CCDC170: variants seen among roughly 807,000 people sequenced by gnomAD.
CCDC170 encodes coiled-coil domain containing 170.
In CCDC170, 69 loss-of-function variants were observed where a neutral mutation model predicts 72.6. That is an observed-to-expected ratio of 0.95 (90% CI 0.78 to 1.16). CCDC170 has a LOEUF of 1.16. Among genes scored for constraint, CCDC170 ranks in the 50% most tolerant of loss-of-function variants. The pLI, the probability that CCDC170 is intolerant of heterozygous loss-of-function variation, is 0.00. For missense variants in CCDC170, 852 were observed against 832.5 expected, an observed-to-expected ratio of 1.02 and a Z score of -0.29; for synonymous variants, 300 against 303.9, an observed-to-expected ratio of 0.99 and a Z score of 0.13.
At chr6:151,500,218 T>G (rs1354074698) in intron 1 of CCDC170, among the ~76,000 whole-genome samples, 1 of 151,016 alleles carries the variant, frequency 6.6e-6, no homozygotes, top group Non-Finnish European at 1.5e-5. Flanking sequence ...TTGCTCTGTT[T>G]TTTTTTTTTT....
rs1303846672 is a variant in CCDC170, at chr6:151,615,521, G to A, written c.1789G>A (p.Ala597Thr). The A allele has an allele frequency of 6.2e-7, 1 of 1,614,104 alleles. No homozygotes were observed. The highest frequency in any genetic ancestry group is 8.5e-7 in the Non-Finnish European group (1 of 1,179,992). ...CCAACTGGAGAAGATGAAGGAGAAA[G>A]CTGAGAAAAAGCTCATGTCTGTCAA... The part of the protein sequence containing the change: ...RDQLEKMKEK[A>T]EKKLMSVKSE... The change falls in exon 10 of 11, where the codon GCT becomes ACT. Residue 597 changes from alanine (A) to threonine (T), a missense_variant. By Grantham distance (58) the Ala-to-Thr change is moderately conservative. Coordinates refer to ENST00000239374, the MANE Select transcript of CCDC170 (RefSeq NM_025059.4).
intron 7 of CCDC170, among the ~76,000 whole-genome samples, chr6:151,592,871 G>A (rs1449984533): frequency 3.3e-5 from 5 of 152,188 alleles, no homozygotes; most frequent in Admixed American, 1.3e-4. Context: ...ATATTCGATT[G>A]AACATGAACA....
Position 151,573,214 on chromosome 6 carries a change from G to T in CCDC170, c.815G>T (p.Arg272Met). Residue 272 changes from arginine to methionine, a missense_variant, in exon 6 of 11, where the codon AGG (arginine) becomes ATG (methionine). By Grantham distance (91) the Arg-to-Met change is moderately conservative. Coordinates refer to ENST00000239374, the MANE Select transcript of CCDC170 (RefSeq NM_025059.4). ...GTAGAAGCAAAAGAAGCTCTTGAAA[G>T]GGAAGTTAAGATCTTCCAAGAAAGG... Reference protein sequence around the residue: ...SAVEAKEALEREVKIFQERLL... With the variant: ...SAVEAKEALEMEVKIFQERLL... The T allele has an allele frequency of 6.2e-7, 1 of 1,613,902 alleles. No individual in the cohort carries two copies.
chr6:151,559,869 C>A (rs1056093010), intron 5 of CCDC170, among the ~76,000 whole-genome samples: 1 of 151,982 alleles, frequency 6.6e-6, no homozygotes, highest in Non-Finnish European at 1.5e-5. Context: ...AGTGGTCTGT[C>A]AATTTGGTTT....
At position 151,544,769 on chromosome 6, in the gene CCDC170, T is replaced by C. The variant is rs551051199; in HGVS notation, c.588+53T>C. 3.9e-6 allele frequency: 6 copies of C among 1,550,822 alleles called. No individual in the cohort carries two copies. In the East Asian group the frequency reaches 1.4e-4, roughly 35 times the overall value. On this transcript the variant is annotated intron_variant, in intron 4 of 10. Transcript: ENST00000239374. ...TAAATGTAGTGGTGATTCTGACATG[T>C]GGCATGAAAGGAAGTGCTGTGGTTG...
intron 5 of CCDC170, among the ~76,000 whole-genome samples, chr6:151,566,454 C>A (rs755885871): frequency 6.6e-6 from 1 of 151,900 alleles, no homozygotes; most frequent in Non-Finnish European, 1.5e-5. Flanking sequence ...CTGACAAATA[C>A]TTCTATAAAA....
intron 8 of CCDC170, among the ~76,000 whole-genome samples, chr6:151,596,002 C>T (rs73780810): frequency 0.081 from 12,351 of 152,154 alleles, 549 homozygotes; most frequent in African/African-American, 0.11. Flanking sequence ...TGTCTTATTA[C>T]ATTCTGCTCT....
In CCDC170 at chr6:151,615,548, T is replaced by G. The variant is rs1776951608; in HGVS notation, c.1816T>G (p.Ser606Ala). 2 of 1,613,788 alleles carry G rather than the reference T, an allele frequency of 1.2e-6. No individual in the cohort carries two copies. The highest frequency in any genetic ancestry group is 1.7e-6 in the Non-Finnish European group (2 of 1,179,926). The part of the protein sequence containing the change: ...KAEKKLMSVK[S>A]ELDTTEHEAK... ...TGAGAAAAAGCTCATGTCTGTCAAG[T>G]CAGAACTGGATACCACAGAACATGA... The change falls in exon 10 of 11, where the codon TCA becomes GCA. Residue 606 changes from serine (S) to alanine (A), a missense_variant. Coordinates refer to ENST00000239374, the MANE Select transcript of CCDC170 (RefSeq NM_025059.4).
intron 10 of CCDC170, among the ~76,000 whole-genome samples, chr6:151,617,322 G>C (rs934290246): frequency 1.3e-5 from 2 of 150,334 alleles, no homozygotes; most frequent in African/African-American, 4.8e-5. Flanking sequence ...AATATGGCTT[G>C]TGAAATGGCA....
intron 1 of CCDC170, among the ~76,000 whole-genome samples, chr6:151,514,328 G>A (rs1398633285): frequency 8.0e-6 from 1 of 125,706 alleles, no homozygotes; most frequent in Non-Finnish European, 1.6e-5. Context: ...ATGAAAGAAA[G>A]GAAGGAAGGA....
intron 7 of CCDC170, among the ~76,000 whole-genome samples, chr6:151,590,733 C>A (rs75173025): frequency 0.02 from 3,116 of 152,238 alleles, 110 homozygotes; most frequent in African/African-American, 0.072. Flanking sequence ...TAGAAACTTT[C>A]TCTTTGGGGT....
chr6:151,537,537 G>GT (rs199983258), intron 2 of CCDC170, among the ~76,000 whole-genome samples: 1,903 of 151,676 alleles, frequency 0.013, 40 homozygotes, highest in African/African-American at 0.043. Context: ...TTTCTCCTAT[G>GT]TTTTTTTTCC....
chr6:151,595,394 C>A (rs540967621), intron 8 of CCDC170, among the ~76,000 whole-genome samples: 3 of 152,072 alleles, frequency 2.0e-5, no homozygotes, highest in Non-Finnish European at 4.4e-5. Flanking sequence ...ACCTTACAGG[C>A]CAGACATATA....
At position 151,573,351 on chromosome 6, in the gene CCDC170, A is replaced by G. The variant is rs779589171; in HGVS notation, c.952A>G (p.Thr318Ala). Residue 318 changes from threonine (T) to alanine (A), a missense_variant, in exon 6 of 11, where the codon ACC becomes GCC. Coordinates refer to ENST00000239374, the MANE Select transcript of CCDC170 (RefSeq NM_025059.4). ...GAAGGCCAGTCAGGATGCAGTCACA[A>G]CCTCACAAAGCCAGTACTTCTCATT... ...SLKASQDAVT[T>A]SQSQYFSFRE... 1 of 1,614,004 alleles carries G rather than the reference A, an allele frequency of 6.2e-7. No homozygotes were observed. Among genetic ancestry groups the G allele is most frequent in the Non-Finnish European group, 8.5e-7 (1 of 1,180,000 alleles).
At chr6:151,519,119 ACC>A (rs1191373683) in intron 1 of CCDC170, among the ~76,000 whole-genome samples, 4 of 151,928 alleles carry the variant, frequency 2.6e-5, no homozygotes, top group Non-Finnish European at 5.9e-5. Context: ...TTTTTTCCCC[ACC>A]CTAATAAGCC....
chr6:151,607,819 T>A (rs1776809517), intron 9 of CCDC170, among the ~76,000 whole-genome samples: 1 of 152,132 alleles, frequency 6.6e-6, no homozygotes, highest in South Asian at 2.1e-4. Context: ...CTGAGAGAGG[T>A]TTTTTGGGTT....
At chr6:151,548,043 GT>G (rs1782804873) in intron 4 of CCDC170, among the ~76,000 whole-genome samples, 2 of 152,294 alleles carry the variant, frequency 1.3e-5, no homozygotes, top group Admixed American at 6.5e-5. Context: ...TATTTAGCAG[GT>G]TTGCTGATGT....
At chr6:151,520,934 C>T (rs916927925) in intron 1 of CCDC170, among the ~76,000 whole-genome samples, 1 of 152,182 alleles carries the variant, frequency 6.6e-6, no homozygotes, top group Non-Finnish European at 1.5e-5. Context: ...TGGTCTCCTG[C>T]ACAACCAGCT....
At chr6:151,551,820 G>A (rs1269976400) in intron 5 of CCDC170, among the ~76,000 whole-genome samples, 2 of 152,102 alleles carry the variant, frequency 1.3e-5, no homozygotes, top group African/African-American at 4.8e-5. Context: ...CAGCAAAGTC[G>A]TGCTGAGATT....
Sources: gnomAD v4.1 joint callset for allele counts (sites outside exome capture counted in the v4.1 genomes callset) on GRCh38, gnomAD v4.1.1 for gene constraint, MANE v1.5 for transcripts, NCBI Gene and HGNC (gene_info 2026-07-23, HGNC 2026-07-21) for gene names.